Variants in C5 observed in about 807,000 individuals in gnomAD.
The protein encoded by C5 is C3 and PZP-like alpha-2-macroglobulin domain-containing protein 4.
C5 carries 140 observed loss-of-function variants against 218.8 expected under a neutral mutation model. The ratio of observed to expected loss-of-function variants is 0.64; its 90% CI spans 0.56 to 0.74. The LOEUF (loss-of-function observed/expected upper bound fraction) is 0.74, where lower values mean the gene tolerates loss of function less well. C5 is among the 30% of genes least tolerant of loss of function. C5 has a pLI of 0.00. For missense variants in C5, 1,700 were observed against 1,969.6 expected (o/e 0.86, Z 2.59); for synonymous variants, 614 against 682.3 (o/e 0.90, Z 1.56).
chr9:120,987,024 C>T (rs886486082), intron 25 of C5, among the ~76,000 whole-genome samples: 38 of 152,318 alleles, frequency 2.5e-4, no homozygotes, highest in African/African-American at 8.4e-4. Context: ...GAATCAAAAA[C>T]CAACTGATGA....
intron 20 of C5, among the ~76,000 whole-genome samples, chr9:121,003,610 T>C (rs2131735144): frequency 6.6e-6 from 1 of 152,294 alleles, no homozygotes; most frequent in African/African-American, 2.4e-5. Flanking sequence ...ATGACAAACA[T>C]ATTACATAAA....
intron 3 of C5, among the ~76,000 whole-genome samples, chr9:121,041,729 T>C (rs978229861): frequency 3.9e-5 from 6 of 152,280 alleles, no homozygotes; most frequent in South Asian, 2.1e-4. Flanking sequence ...AATCCTTCAA[T>C]GTAGGAGGAG....
rs200182196 is a variant in C5, at chr9:120,989,157, A to G, written c.3155-36T>C. ...CAAGAAAAAGAACACGGTGCTTAAC[A>G]GACCTCCGTTTCTACTCAAAGAACA... is the stretch of plus-strand genomic sequence containing the variant. On this transcript the variant is annotated intron_variant, in intron 24 of 40. Transcript: ENST00000223642. The G allele has an allele frequency of 7.7e-5, 117 of 1,510,916 alleles. No individual in the cohort carries two copies. In the East Asian group the frequency reaches 2.5e-3, roughly 33 times the overall value. The allele number at this position is 1,510,916 out of a possible 1,614,324, so 93.6% of individuals were successfully genotyped here.
chr9:120,957,561 G>A (rs1490682702), intron 38 of C5, among the ~76,000 whole-genome samples, 193 bp from the exon 39 acceptor site: 1 of 152,120 alleles, frequency 6.6e-6, no homozygotes, highest in Non-Finnish European at 1.5e-5. Context: ...CATTAGCCCT[G>A]GCCAATGTTA....
Position 121,023,389 on chromosome 9 carries a change from C to G in C5, c.1116+15G>C. 1.4e-6 allele frequency: 2 copies of G among 1,448,128 alleles called. No homozygotes were observed. The highest frequency in any genetic ancestry group is 1.9e-6 in the Non-Finnish European group (2 of 1,028,750). 89.7% of individuals were successfully genotyped at this position (1,448,128 alleles called of 1,614,324 possible). ...TGATCATATGTAGCAACGTCTACCC[C>G]CTCACCCAATCTACCTTGATGGGAT... On this transcript the variant is annotated intron_variant, in intron 10 of 40. Coordinates refer to ENST00000223642, the MANE Select transcript of C5 (RefSeq NM_001735.3).
At chr9:121,067,529 AT>A in the C5 span, among the ~76,000 whole-genome samples, 5 of 151,684 alleles carry the variant, frequency 3.3e-5, no homozygotes, top group African/African-American at 1.2e-4. Flanking sequence ...GCGCCACTGC[AT>A]TCGCAGCTTG....
chr9:121,011,025 C>A (rs1298741762), intron 17 of C5, among the ~76,000 whole-genome samples: 1 of 152,136 alleles, frequency 6.6e-6, no homozygotes, highest in African/African-American at 2.4e-5. Flanking sequence ...AACTATAAAA[C>A]TGCTATAGGA....
chr9:121,037,602 C>A (rs567089586), intron 4 of C5, among the ~76,000 whole-genome samples: 4 of 152,224 alleles, frequency 2.6e-5, no homozygotes, highest in African/African-American at 4.8e-5. Context: ...TGAGCCACCA[C>A]GCCCGGCCAG....
Position 121,043,014 on chromosome 9 carries a change from T to C in C5, c.411A>G (p.Pro137=). The change falls in exon 3 of 41, where the codon CCA becomes CCG. Residue 137 remains proline (P), a synonymous_variant. Transcript: ENST00000223642. ...TATCTTATAATCTACCTGACTGGTC[T>C]GGAGTATAAACAGGTTTGTCTGTAT... ...FIHTDKPVYT[P]DQSVKVRVYS... The C allele has an allele frequency of 6.2e-7, 1 of 1,611,872 alleles. No homozygotes were observed. The highest frequency in any genetic ancestry group is 8.5e-7 in the Non-Finnish European group (1 of 1,178,182).
At position 121,005,986 on chromosome 9, in the gene C5, G is replaced by A; in HGVS notation, c.2495C>T (p.Ser832Phe). 1 of 1,613,540 alleles carries A rather than the reference G, an allele frequency of 6.2e-7. No homozygotes were observed. The highest frequency in any genetic ancestry group is 8.5e-7 in the Non-Finnish European group (1 of 1,179,596). ...TTGGATCTGTTCTCCTCGTACAACA[G>A]AATATGGTATATTCATTTCCAGGAA... is the stretch of plus-strand genomic sequence containing the variant. ...DVFLEMNIPY[S>F]VVRGEQIQLK... is the part of the protein sequence containing the mutation. The change falls in exon 20 of 41, where the codon TCT becomes TTT. Residue 832 changes from serine to phenylalanine, a missense_variant. Transcript: ENST00000223642.
the C5 span, among the ~76,000 whole-genome samples, chr9:121,059,289 T>C: frequency 6.6e-6 from 1 of 152,146 alleles, no homozygotes; most frequent in Non-Finnish European, 1.5e-5. The surrounding 1 kb of genome is among the most constrained non-coding windows in gnomAD (Gnocchi z 4.1). Context: ...GTGTTAATAA[T>C]GGAATTTAGT....
intron 39 of C5, among the ~76,000 whole-genome samples, 175 bp from the exon 40 acceptor site, chr9:120,954,043 T>C (rs2046767549): frequency 6.6e-6 from 1 of 152,230 alleles, no homozygotes; most frequent in Non-Finnish European, 1.5e-5. Context: ...TGGGTTAAAC[T>C]CTAAGCATGC....
intron 25 of C5, among the ~76,000 whole-genome samples, chr9:120,985,646 A>G (rs1215429389): frequency 6.6e-6 from 1 of 152,242 alleles, no homozygotes. Context: ...ATATTTACCT[A>G]TACTACTAGA....
chr9:120,953,242 C>T (rs535430293), intron 40 of C5, among the ~76,000 whole-genome samples: 144 of 152,196 alleles, frequency 9.5e-4, no homozygotes, highest in African/African-American at 3.4e-3. Context: ...TTTATAAGAG[C>T]CCAGCTGTGG....
At chr9:121,037,301 G>GTTTTTTT (rs1564162564) in intron 4 of C5, among the ~76,000 whole-genome samples, 1 of 136,960 alleles carries the variant, frequency 7.3e-6, no homozygotes, top group Non-Finnish European at 1.6e-5. Context: ...TTTGTTTTTT[G>GTTTTTTT]GTTTTTTTTT....
At chr9:120,989,832 A>G (rs371711456) in intron 23 of C5, 52 bp from the exon 24 acceptor site, 1 of 1,396,110 alleles carries the variant, frequency 7.2e-7, no homozygotes, top group African/African-American at 1.4e-5. Flanking sequence ...AACTTCTAAC[A>G]GTATGTTCTC....
chr9:121,005,888 C>G, intron 20 of C5, 31 bp downstream of exon 20: 1 of 1,608,938 alleles, frequency 6.2e-7, no homozygotes, highest in Non-Finnish European at 8.5e-7. Flanking sequence ...AGAATGTTTC[C>G]TTTATCCCAT....
intron 20 of C5, 72 bp downstream of exon 20, chr9:121,005,847 A>G: frequency 1.4e-6 from 2 of 1,480,140 alleles, no homozygotes; most frequent in Non-Finnish European, 1.9e-6. Flanking sequence ...TGTGTATGGT[A>G]ATTCCACTAA....
At chr9:121,010,074 G>C (rs1458630335) in intron 17 of C5, among the ~76,000 whole-genome samples, 1 of 152,246 alleles carries the variant, frequency 6.6e-6, no homozygotes, top group African/African-American at 2.4e-5. Context: ...TTGAGGGGCA[G>C]TCTAGGCCAC....
Sources: allele counts gnomAD v4.1 joint callset (sites outside exome capture counted in the v4.1 genomes callset), GRCh38; gene constraint gnomAD v4.1.1; non-coding constraint Gnocchi (gnomAD v3.1); transcripts MANE v1.5; gene names NCBI Gene and HGNC (gene_info 2026-07-23, HGNC 2026-07-21).